Variants in DLG2 observed in about 807,000 individuals in gnomAD.
DLG2 encodes the protein discs large MAGUK scaffold protein 2.
Under a neutral mutation model 132.5 loss-of-function variants are expected in DLG2, and 45 were observed. The observed-to-expected ratio is 0.34, with a 90% CI of 0.27 to 0.44. The LOEUF is 0.44. Ranked by LOEUF, DLG2 falls within the 20% of genes least tolerant of loss-of-function variation. The pLI is 1.00. For synonymous variants in DLG2, 424 were observed against 419.6 expected (o/e 1.01, Z -0.13); for missense variants, 1,045 against 1,196.9 (o/e 0.87, Z 1.87).
At chr11:83,913,824 G>A (rs2076472930) in intron 15 of DLG2, among the ~76,000 whole-genome samples, 2 of 152,120 alleles carry the variant, frequency 1.3e-5, no homozygotes, top group Admixed American at 1.3e-4. Context: ...CTGAAGGACA[G>A]GTGATGTGGA....
intron 7 of DLG2, among the ~76,000 whole-genome samples, chr11:84,330,632 A>G (rs1232600750): frequency 1.3e-5 from 2 of 152,158 alleles, no homozygotes; most frequent in African/African-American, 2.4e-5. Flanking sequence ...TCATTTCTCT[A>G]CATCTTCACA....
intron 16 of DLG2, among the ~76,000 whole-genome samples, chr11:83,855,608 C>T (rs1351576703): frequency 6.6e-6 from 1 of 152,140 alleles, no homozygotes; most frequent in African/African-American, 2.4e-5. Context: ...ATCTGATACT[C>T]TGGAAAAAGT....
rs12294547 is a variant in DLG2, at chr11:84,019,515, T to A, written c.920-38873A>T. Among the ~76,000 whole-genome samples, 635 of 151,648 alleles carry A rather than the reference T, an allele frequency of 4.2e-3. 2 individuals carry two copies. Among genetic ancestry groups the A allele is most frequent in the Non-Finnish European group, 5.9e-3 (402 of 67,876 alleles). ...AAGGAGGATTTTTTGAGAGAGGGAG[T>A]GTTGTGGGTTTAATCTTGTTCTCCC... is the stretch of plus-strand genomic sequence containing the variant. On this transcript the variant is annotated intron_variant, in intron 11 of 27. Coordinates refer to ENST00000376104, the MANE Select transcript of DLG2 (RefSeq NM_001142699.3).
At chr11:84,923,481 G>T in intron 6 of DLG2, 1 of 551,694 alleles carries the variant, frequency 1.8e-6, no homozygotes. Flanking sequence ...AAGGAGGGGG[G>T]GAAAGGTGAA....
At chr11:85,147,539 C>A (rs1223373255) in intron 5 of DLG2, among the ~76,000 whole-genome samples, 2 of 151,982 alleles carry the variant, frequency 1.3e-5, no homozygotes, top group African/African-American at 4.8e-5. Context: ...GATATTAACC[C>A]CTTATCTAAT....
chr11:84,688,208 C>T (rs2099739763), intron 6 of DLG2, among the ~76,000 whole-genome samples: 1 of 152,074 alleles, frequency 6.6e-6, no homozygotes, highest in South Asian at 2.1e-4. Context: ...ATGAGAAGAG[C>T]CTAATATAAA....
At chr11:84,684,161 T>G (rs1474212697) in intron 6 of DLG2, among the ~76,000 whole-genome samples, 1 of 152,220 alleles carries the variant, frequency 6.6e-6, no homozygotes, top group Non-Finnish European at 1.5e-5. Flanking sequence ...TTTTCTACTT[T>G]GGCTACAATA....
chr11:84,107,244 T>C (rs1595414796), intron 9 of DLG2, among the ~76,000 whole-genome samples: 1 of 151,756 alleles, frequency 6.6e-6, no homozygotes, highest in Non-Finnish European at 1.5e-5. Flanking sequence ...ACTCTTTGAG[T>C]CCCACCATAG....
chr11:83,642,476 T>C (rs542957950), intron 18 of DLG2, among the ~76,000 whole-genome samples: 33 of 152,334 alleles, frequency 2.2e-4, no homozygotes, highest in African/African-American at 7.5e-4. Context: ...CAAACACTCA[T>C]GAATTCTTTA....
chr11:84,395,447 C>T (rs1255506414), intron 7 of DLG2, among the ~76,000 whole-genome samples: 1 of 151,932 alleles, frequency 6.6e-6, no homozygotes, highest in Non-Finnish European at 1.5e-5. Flanking sequence ...GACAGGGTCT[C>T]ATTCTGTCAC....
intron 4 of DLG2, among the ~76,000 whole-genome samples, chr11:85,180,418 G>C (rs978115545): frequency 6.6e-6 from 1 of 151,742 alleles, no homozygotes; most frequent in East Asian, 1.9e-4. Context: ...AAACCACAAA[G>C]TCCTTTCATT....
chr11:83,502,849 G>C (rs1261824430), intron 21 of DLG2, among the ~76,000 whole-genome samples: 2 of 151,922 alleles, frequency 1.3e-5, no homozygotes, highest in Non-Finnish European at 2.9e-5. Flanking sequence ...TTCTTTTTCT[G>C]TTTCCATTGC....
chr11:83,759,940 G>T (rs929245690), intron 18 of DLG2, among the ~76,000 whole-genome samples: 2 of 152,142 alleles, frequency 1.3e-5, no homozygotes, highest in African/African-American at 4.8e-5. Context: ...GAATCTTGAA[G>T]CTCCCGAAGA....
chr11:84,918,501 A>C (rs2092601768), intron 6 of DLG2, among the ~76,000 whole-genome samples: 1 of 152,158 alleles, frequency 6.6e-6, no homozygotes, highest in Non-Finnish European at 1.5e-5. Context: ...ACAGGAAAAC[A>C]ACTCTAGAAA....
chr11:84,670,261 G>A (rs1490886276), intron 6 of DLG2, among the ~76,000 whole-genome samples: 1 of 152,054 alleles, frequency 6.6e-6, no homozygotes, highest in African/African-American at 2.4e-5. Context: ...TCTCAGAGAG[G>A]TTTGTGAACT....
chr11:83,886,754 G>C (rs1198782450), intron 15 of DLG2, among the ~76,000 whole-genome samples: 2 of 152,232 alleles, frequency 1.3e-5, no homozygotes, highest in East Asian at 3.9e-4. Context: ...CTGTCTCTCA[G>C]ACCACAGCGC....
At chr11:84,434,577 A>G (rs902251661) in intron 7 of DLG2, among the ~76,000 whole-genome samples, 2 of 152,170 alleles carry the variant, frequency 1.3e-5, no homozygotes, top group Non-Finnish European at 2.9e-5. Flanking sequence ...GGCTGTTGTG[A>G]TAATTAGATT....
chr11:83,691,363 C>T (rs2080963039), intron 18 of DLG2, among the ~76,000 whole-genome samples: 1 of 152,068 alleles, frequency 6.6e-6, no homozygotes, highest in African/African-American at 2.4e-5. Flanking sequence ...ATATTTATGG[C>T]TAAGGACAGG....
chr11:84,510,946 C>T (rs2099255520), intron 7 of DLG2, among the ~76,000 whole-genome samples: 1 of 151,984 alleles, frequency 6.6e-6, no homozygotes, highest in Non-Finnish European at 1.5e-5. Context: ...GGCTCCAAAG[C>T]CGAAAGAGGA....
Sources: allele counts gnomAD v4.1 joint callset (sites outside exome capture counted in the v4.1 genomes callset), GRCh38; gene constraint gnomAD v4.1.1; transcripts MANE v1.5; gene names NCBI Gene and HGNC (gene_info 2026-07-23, HGNC 2026-07-21).